The following CPM variants were observed in gnomAD, a reference collection of about 807,000 sequenced individuals.
CPM encodes the protein renal carboxypeptidase.
CPM carries 35 observed loss-of-function variants against 46.4 expected under a neutral mutation model. The ratio of observed to expected loss-of-function variants is 0.75; its 90% confidence interval spans 0.58 to 1.00. CPM has a LOEUF of 1.00. Ranked by LOEUF, CPM falls within the 50% of genes least tolerant of loss-of-function variation. CPM has a pLI of 0.00. For synonymous variants in CPM, 195 were observed against 195.3 expected (o/e 1.00, Z 0.01); for missense variants, 422 against 530.4 (o/e 0.80, Z 2.01).
At chr12:68,876,164 C>A (rs920722470) in intron 3 of CPM, among the ~76,000 whole-genome samples, 6 of 152,020 alleles carry the variant, frequency 3.9e-5, no homozygotes, top group African/African-American at 1.4e-4. Flanking sequence ...AAGTATGTAA[C>A]CAAAGTATTT....
At chr12:68,868,648 G>A (rs1885562272) in intron 6 of CPM, among the ~76,000 whole-genome samples, 1 of 151,948 alleles carries the variant, frequency 6.6e-6, no homozygotes, top group African/African-American at 2.4e-5. Context: ...ATCTCATCCT[G>A]TCCCTTACCC....
chr12:68,877,335 T>A (rs1479937551), intron 3 of CPM, among the ~76,000 whole-genome samples: 1 of 152,232 alleles, frequency 6.6e-6, no homozygotes, highest in African/African-American at 2.4e-5. Context: ...GTATATCATG[T>A]ATTCAATAAA....
At chr12:68,926,173 C>T (rs1039241600) in intron 2 of CPM, among the ~76,000 whole-genome samples, 39 of 152,302 alleles carry the variant, frequency 2.6e-4, no homozygotes, top group African/African-American at 9.4e-4. Context: ...CTGCCTCAGC[C>T]TCCCAAAGTG....
At chr12:68,909,605 G>A (rs921506405) in intron 2 of CPM, among the ~76,000 whole-genome samples, 3 of 152,004 alleles carry the variant, frequency 2.0e-5, no homozygotes, top group Non-Finnish European at 4.4e-5. Context: ...ATCAATGATA[G>A]ACTGGATTAA....
At chr12:68,873,970 T>G (rs1885826790) in intron 3 of CPM, among the ~76,000 whole-genome samples, 1 of 152,036 alleles carries the variant, frequency 6.6e-6, no homozygotes, top group African/African-American at 2.4e-5. Flanking sequence ...CATGTCTGGC[T>G]AATTTTGATA....
At chr12:68,957,523 T>G (rs1889041706) in intron 1 of CPM, 2 of 212,932 alleles carry the variant, frequency 9.4e-6, no homozygotes, top group Admixed American at 9.5e-5. Context: ...CCTTTTTCAA[T>G]GAGTTCTGTC....
upstream of CPM, among the ~76,000 whole-genome samples, chr12:68,936,535 C>G (rs555906711): frequency 6.6e-6 from 1 of 152,116 alleles, no homozygotes; most frequent in Non-Finnish European, 1.5e-5. Context: ...AGGTGCCCAC[C>G]ACCACGCCTG....
Position 68,856,219 on chromosome 12 carries a change from G to C in CPM, c.*218C>G. ...GAGTGTAAATGAGCAGTACTTGTTA[G>C]GTAAGTGTCTTCCATTCACCGTCAA... On this transcript the variant is annotated 3_prime_UTR_variant, in exon 9 of 9. Transcript: ENST00000551568. 1.8e-6 allele frequency: 1 copy of C among 557,546 alleles called. No homozygotes were observed. Among genetic ancestry groups the C allele is most frequent in the Non-Finnish European group, 3.2e-6 (1 of 317,278 alleles). 34.5% of individuals were successfully genotyped at this position (557,546 alleles called of 1,614,324 possible).
At chr12:68,874,421 G>A (rs191997976) in intron 3 of CPM, among the ~76,000 whole-genome samples, 11 of 152,104 alleles carry the variant, frequency 7.2e-5, no homozygotes, top group African/African-American at 2.7e-4. Flanking sequence ...TTTGAGACCA[G>A]CCTGGCCAAC....
At chr12:68,962,155 G>T (rs1474092161) in intron 1 of CPM, among the ~76,000 whole-genome samples, 3 of 148,980 alleles carry the variant, frequency 2.0e-5, no homozygotes, top group South Asian at 2.1e-4. Flanking sequence ...AGCCAAGATA[G>T]CGCCACTGCA....
chr12:68,910,394 A>G (rs971187806), intron 2 of CPM, among the ~76,000 whole-genome samples: 1 of 152,220 alleles, frequency 6.6e-6, no homozygotes, highest in Non-Finnish European at 1.5e-5. Context: ...TATACAGCAT[A>G]TGGAAATGCA....
rs896663324 is a variant in CPM at position 68,853,448 on chromosome 12, T to C, written c.*2989A>G. ...CTGCTGCACAAATTACCAGATTTCA[T>C]AATTGGTTTAAATAAGCCTCCAATT... is the stretch of plus-strand genomic sequence containing the variant. On this transcript the variant is annotated 3_prime_UTR_variant, in exon 9 of 9. Transcript: ENST00000551568. 4 of 152,212 alleles carry C rather than the reference T, an allele frequency of 2.6e-5. No homozygotes were observed. The highest frequency in any genetic ancestry group is 3.8e-4 in the East Asian group (2 of 5,196). The allele number at this position is 152,212 out of a possible 1,614,324, so 9.4% of individuals were successfully genotyped here. A position where few individuals can be genotyped will look rare whatever the true frequency, so the allele number is the denominator to read the frequency against.
At chr12:68,942,261 A>G (rs1316494075) in intron 1 of CPM, among the ~76,000 whole-genome samples, 1 of 152,242 alleles carries the variant, frequency 6.6e-6, no homozygotes, top group Non-Finnish European at 1.5e-5. Flanking sequence ...TTGGATGTGC[A>G]ACTGTAAATG....
At chr12:68,957,377 TA>T in intron 1 of CPM, 1 of 235,560 alleles carries the variant, frequency 4.2e-6, no homozygotes. Context: ...TTTATTCAGC[TA>T]AGGGGGCACC....
intron 2 of CPM, among the ~76,000 whole-genome samples, chr12:68,917,223 C>CTG (rs1340693266): frequency 1.2e-4 from 7 of 58,932 alleles, no homozygotes; most frequent in African/African-American, 7.7e-4. Flanking sequence ...CCTGGCTGAT[C>CTG]TCTTATCCTT....
chr12:68,954,774 T>G (rs1208250238), intron 1 of CPM, among the ~76,000 whole-genome samples: 1 of 152,186 alleles, frequency 6.6e-6, no homozygotes, highest in African/African-American at 2.4e-5. Context: ...TAGTGTGTGT[T>G]TATATCTTGG....
At chr12:68,957,901 C>T (rs910909833) in intron 1 of CPM, among the ~76,000 whole-genome samples, 2 of 127,798 alleles carry the variant, frequency 1.6e-5, no homozygotes. Context: ...TCCAAGTGTT[C>T]TCATTGTTCA....
At chr12:68,864,275 T>C (rs1885335988) in intron 7 of CPM, among the ~76,000 whole-genome samples, 1 of 152,058 alleles carries the variant, frequency 6.6e-6, no homozygotes, top group Non-Finnish European at 1.5e-5. Context: ...TGAAACCCTG[T>C]CTCTACAAAA....
At chr12:68,916,926 C>T (rs1009066177) in intron 2 of CPM, among the ~76,000 whole-genome samples, 13 of 150,348 alleles carry the variant, frequency 8.6e-5, no homozygotes, top group African/African-American at 2.9e-4. Context: ...GAGAGAGAAT[C>T]TCTGTTGCAA....
Sources: allele counts gnomAD v4.1 joint callset (sites outside exome capture counted in the v4.1 genomes callset), GRCh38; gene constraint gnomAD v4.1.1; transcripts MANE v1.5; gene names NCBI Gene and HGNC (gene_info 2026-07-23, HGNC 2026-07-21).